The following RBFOX3 variants were observed in gnomAD, a reference collection of about 807,000 sequenced individuals.
RBFOX3 encodes the protein RNA binding fox-1 homolog 3.
In RBFOX3, 17 loss-of-function variants were observed where a neutral mutation model predicts 48.7. That is an observed-to-expected ratio of 0.35 (90% CI 0.24 to 0.52). RBFOX3 has a LOEUF of 0.52. Ranked by LOEUF, RBFOX3 falls within the 20% of genes least tolerant of loss-of-function variation. The pLI is 0.94. For synonymous variants in RBFOX3, 212 were observed against 209.5 expected, an observed-to-expected ratio of 1.01 and a Z score of -0.10; for missense variants, 382 against 497.5, an observed-to-expected ratio of 0.77 and a Z score of 2.21.
chr17:79,606,106 G>A (rs2093824335), intron 1 of RBFOX3, among the ~76,000 whole-genome samples: 1 of 152,166 alleles, frequency 6.6e-6, no homozygotes, highest in Non-Finnish European at 1.5e-5. Context: ...AGAAGGGAGA[G>A]GAGGGGCAAG....
rs1714542737 is a variant in RBFOX3 at position 79,434,071 on chromosome 17, CT to C, written c.-175+48382del. ...CTGTGTTGCACGGGGCTCCAGCGCC[CT>C]TTTAAACAGTGAACCCCCCAACGGA... is the stretch of plus-strand genomic sequence containing the variant. On this transcript the variant is annotated intron_variant, in intron 2 of 14. Transcript: ENST00000693108. Among the ~76,000 whole-genome samples, 9 of 152,280 alleles carry C rather than the reference CT, an allele frequency of 5.9e-5. 1 individual carries two copies. The South Asian group carries it at 1.9e-3, about 32-fold the overall frequency.
At chr17:79,184,227 C>A (rs576341715) in intron 4 of RBFOX3, among the ~76,000 whole-genome samples, 4 of 152,180 alleles carry the variant, frequency 2.6e-5, no homozygotes, top group Admixed American at 6.5e-5. Context: ...CTCCTGCTGG[C>A]CCCCAGACCC....
At chr17:79,417,832 T>C (rs1345194013) in intron 2 of RBFOX3, among the ~76,000 whole-genome samples, 2 of 152,198 alleles carry the variant, frequency 1.3e-5, no homozygotes, top group Non-Finnish European at 2.9e-5. Context: ...TGTCCACGGA[T>C]GGACGAATGG....
chr17:79,127,741 G>A (rs2037690965), intron 4 of RBFOX3, among the ~76,000 whole-genome samples: 1 of 152,188 alleles, frequency 6.6e-6, no homozygotes, highest in African/African-American at 2.4e-5. Context: ...GCTGCACTGG[G>A]CTGGAACAGC....
At position 79,391,526 on chromosome 17, in the gene RBFOX3, G is replaced by A. The variant is rs1057024405; in HGVS notation, c.-174-83702C>T. Among the ~76,000 whole-genome samples, 22 of 152,158 alleles carry A rather than the reference G, an allele frequency of 1.4e-4. No homozygotes were observed. Among genetic ancestry groups the A allele is most frequent in the African/African-American group, 4.3e-4 (18 of 41,438 alleles). On this transcript the variant is annotated intron_variant, in intron 2 of 14. Transcript: ENST00000693108. This position sits in a 1 kb window ranked among gnomAD's most constrained non-coding sequence, Gnocchi z 5.0. The stretch of plus-strand genomic sequence containing the variant: ...ACTTGTCCGCCCAAATACGGCAAAT[G>A]CCACCGATTTTAATCTCACCCGAAA...
intron 1 of RBFOX3, among the ~76,000 whole-genome samples, chr17:79,493,936 GGA>G (rs1298513979): frequency 2.6e-5 from 4 of 152,084 alleles, no homozygotes; most frequent in African/African-American, 7.2e-5. Flanking sequence ...GAGAAGGACA[GGA>G]GACTCTGAAG....
chr17:79,228,714 G>C (rs1474763506), intron 4 of RBFOX3, among the ~76,000 whole-genome samples: 1 of 152,210 alleles, frequency 6.6e-6, no homozygotes, highest in African/African-American at 2.4e-5. Context: ...GTCAGAAATA[G>C]CCGTGAGTTT....
rs542147530 is a variant in RBFOX3 at position 79,198,082 on chromosome 17, C to T, written c.-34+37684G>A. Among the ~76,000 whole-genome samples the T allele has an allele frequency of 2.0e-4, 29 of 147,820 alleles. No homozygotes were observed. Among genetic ancestry groups the T allele is most frequent in the East Asian group, 8.0e-4 (4 of 5,004 alleles). ...GTCGTGTGGGGTGGGCTTGTCATCC[C>T]GGAAGTGCTACGGTTGCATCGTGTG... On this transcript the variant is annotated intron_variant, in intron 4 of 14. Transcript: ENST00000693108. The surrounding 1 kb of genome is among the most constrained non-coding windows in gnomAD (Gnocchi z 8.2).
chr17:79,153,076 C>T (rs533615925), intron 4 of RBFOX3, among the ~76,000 whole-genome samples: 3 of 152,338 alleles, frequency 2.0e-5, no homozygotes, highest in East Asian at 1.9e-4. Context: ...CCTCTGTCCC[C>T]GTCCTGCCCC....
chr17:79,154,324 T>C (rs1018130347), intron 4 of RBFOX3, among the ~76,000 whole-genome samples: 5 of 152,196 alleles, frequency 3.3e-5, no homozygotes, highest in Non-Finnish European at 2.9e-5. Context: ...CTGGCCACCC[T>C]GCCTGAAGTG....
intron 2 of RBFOX3, among the ~76,000 whole-genome samples, chr17:79,455,755 C>G (rs1454551196): frequency 6.6e-6 from 1 of 152,212 alleles, no homozygotes; most frequent in African/African-American, 2.4e-5. Flanking sequence ...ACATTCCACA[C>G]TCACACTCAT....
At chr17:79,537,531 A>G (rs1241780784) in intron 1 of RBFOX3, among the ~76,000 whole-genome samples, 1 of 152,204 alleles carries the variant, frequency 6.6e-6, no homozygotes, top group Non-Finnish European at 1.5e-5. Flanking sequence ...AAGGGGGGAC[A>G]GTGTCCTCAC....
rs976109120 is a variant in RBFOX3 at position 79,243,813 on chromosome 17, C to T, written c.-73-8008G>A. Among the ~76,000 whole-genome samples, 1 of 152,086 alleles carries T rather than the reference C, an allele frequency of 6.6e-6. No homozygotes were observed. ...CAAGGTTGACACAGCTTCCAAAGGG[C>T]AGAGCCAAGACAAGAAGGCGCAATG... On this transcript the variant is annotated intron_variant, in intron 3 of 14. Transcript: ENST00000693108. This position sits in a 1 kb window ranked among gnomAD's most constrained non-coding sequence, Gnocchi z 7.9.
At chr17:79,161,518 G>A (rs559775947) in intron 4 of RBFOX3, among the ~76,000 whole-genome samples, 35 of 152,318 alleles carry the variant, frequency 2.3e-4, no homozygotes, top group African/African-American at 7.2e-4. Context: ...GTGGAGGCCC[G>A]GAAGCTGGCC....
chr17:79,104,231 C>CT (rs2076961854), intron 6 of RBFOX3, 105 bp from the exon 7 acceptor site: 2 of 1,018,058 alleles, frequency 2.0e-6, no homozygotes, highest in Admixed American at 2.0e-5. Context: ...TGCCTGTGCT[C>CT]TGCCCTCGGC....
chr17:79,153,029 C>A (rs551260026), intron 4 of RBFOX3, among the ~76,000 whole-genome samples: 2 of 152,348 alleles, frequency 1.3e-5, no homozygotes, highest in South Asian at 2.1e-4. Context: ...TCCCTAAGTG[C>A]AGGGCAGGAC....
intron 2 of RBFOX3, among the ~76,000 whole-genome samples, chr17:79,453,118 G>A (rs140146537): frequency 1.8e-4 from 27 of 152,368 alleles, no homozygotes; most frequent in African/African-American, 6.5e-4. Flanking sequence ...CTGCAGTCAC[G>A]GCAGTGTGTC....
At chr17:79,148,703 A>G (rs1299724804) in intron 4 of RBFOX3, among the ~76,000 whole-genome samples, 2 of 152,348 alleles carry the variant, frequency 1.3e-5, no homozygotes, top group African/African-American at 2.4e-5. Context: ...CCTGGAAGTG[A>G]TGAGAGTTGG....
intron 3 of RBFOX3, among the ~76,000 whole-genome samples, chr17:79,268,606 G>A (rs894475588): frequency 6.6e-6 from 1 of 152,060 alleles, no homozygotes; most frequent in Non-Finnish European, 1.5e-5. Flanking sequence ...CAAGCCCCTG[G>A]CCTGCACATC....
Sources: gnomAD v4.1 joint callset for allele counts (sites outside exome capture counted in the v4.1 genomes callset) on GRCh38, gnomAD v4.1.1 for gene constraint, Gnocchi (gnomAD v3.1) non-coding constraint, MANE v1.5 for transcripts, NCBI Gene and HGNC (gene_info 2026-07-23, HGNC 2026-07-21) for gene names.